Variants in EBF1 observed in about 807,000 individuals in gnomAD.
EBF1 encodes the protein EBF transcription factor 1.
Under a neutral mutation model 68.4 loss-of-function variants are expected in EBF1, and 10 were observed. The ratio of observed to expected loss-of-function variants is 0.15; its 90% CI spans 0.09 to 0.25. The LOEUF (loss-of-function observed/expected upper bound fraction) is 0.25, where lower values mean the gene tolerates loss of function less well. Ranked by LOEUF, EBF1 falls within the 10% of genes least tolerant of loss-of-function variation. EBF1 has a pLI of 1.00. For missense variants in EBF1, 509 were observed against 794.4 expected (o/e 0.64, Z 4.32); for synonymous variants, 298 against 299.8 (o/e 0.99, Z 0.06).
intron 6 of EBF1, among the ~76,000 whole-genome samples, chr5:159,057,327 G>A (rs761734350): frequency 3.9e-5 from 6 of 151,902 alleles, no homozygotes; most frequent in African/African-American, 4.8e-5. Flanking sequence ...GGCTGGTCTC[G>A]AACTCCTAAT....
At chr5:158,783,444 G>A (rs1434450858) in intron 9 of EBF1, among the ~76,000 whole-genome samples, 1 of 152,110 alleles carries the variant, frequency 6.6e-6, no homozygotes, top group Non-Finnish European at 1.5e-5. Context: ...ATGCTTCTCT[G>A]AATTCTCCAA....
intron 6 of EBF1, among the ~76,000 whole-genome samples, chr5:158,926,437 T>A (rs1051659461): frequency 2.6e-5 from 4 of 152,018 alleles, no homozygotes; most frequent in Non-Finnish European, 1.5e-5. Flanking sequence ...GAAATAACTA[T>A]CTTATTGGCC....
At chr5:158,859,005 G>A (rs965874933) in intron 6 of EBF1, among the ~76,000 whole-genome samples, 16 of 152,070 alleles carry the variant, frequency 1.1e-4, no homozygotes, top group African/African-American at 3.9e-4. Flanking sequence ...GACATCCATG[G>A]GTGGTCTAAA....
intron 10 of EBF1, among the ~76,000 whole-genome samples, chr5:158,765,097 C>T (rs917502261): frequency 3.0e-4 from 45 of 152,238 alleles, no homozygotes; most frequent in African/African-American, 7.7e-4. Context: ...CTTTGACCCC[C>T]GATACAGAAC....
intron 8 of EBF1, among the ~76,000 whole-genome samples, chr5:158,804,648 C>G (rs1220574982): frequency 1.3e-5 from 2 of 152,142 alleles, no homozygotes; most frequent in African/African-American, 4.8e-5. Flanking sequence ...TTTAATGACA[C>G]ACAACATAGC....
intron 6 of EBF1, among the ~76,000 whole-genome samples, chr5:159,036,074 G>A (rs1669393384): frequency 6.6e-6 from 1 of 152,172 alleles, no homozygotes; most frequent in Admixed American, 6.5e-5. Flanking sequence ...CATGGGTGCA[G>A]AGTAAGGGAT....
intron 6 of EBF1, among the ~76,000 whole-genome samples, chr5:158,921,098 C>T (rs951865244): frequency 1.3e-5 from 2 of 152,136 alleles, no homozygotes; most frequent in South Asian, 2.1e-4. Context: ...ATGCTGCACA[C>T]GTTTATGCGT....
chr5:158,753,596 C>G (rs904719866), intron 10 of EBF1, among the ~76,000 whole-genome samples: 4 of 152,084 alleles, frequency 2.6e-5, no homozygotes, highest in Admixed American at 2.6e-4. Context: ...ATCAATCAAC[C>G]AGATATTTTT....
At chr5:158,738,405 A>G (rs1765643999) in intron 10 of EBF1, among the ~76,000 whole-genome samples, 1 of 152,238 alleles carries the variant, frequency 6.6e-6, no homozygotes, top group Non-Finnish European at 1.5e-5. Flanking sequence ...ACATTTTGAC[A>G]GGTTACTTTC....
At chr5:158,716,254 ACT>A (rs1760664148) in intron 11 of EBF1, among the ~76,000 whole-genome samples, 1 of 151,948 alleles carries the variant, frequency 6.6e-6, no homozygotes, top group South Asian at 2.1e-4. Flanking sequence ...GACAAAATCT[ACT>A]TTTTTTTTTC....
At chr5:159,018,679 C>T (rs1239535310) in intron 6 of EBF1, among the ~76,000 whole-genome samples, 3 of 152,158 alleles carry the variant, frequency 2.0e-5, no homozygotes. Flanking sequence ...GAACCAAATG[C>T]TTAATAAATA....
chr5:158,817,005 A>G lies in EBF1; in HGVS notation c.778+6171T>C, dbSNP rs116947702. On this transcript the variant is annotated intron_variant, in intron 8 of 15. Transcript: ENST00000313708. ...TCACCGGATCTGAGGAGCCCATGTA[A>G]TTGAAACTGAGTTCATCAAAGCCCT... is the stretch of plus-strand genomic sequence containing the variant. 2.5e-4 allele frequency among the ~76,000 whole-genome samples: 38 copies of G among 152,226 alleles called. No individual in the cohort carries two copies. The East Asian group carries it at 6.6e-3, about 26-fold the overall frequency.
chr5:158,772,080 G>T (rs767583525), intron 10 of EBF1, among the ~76,000 whole-genome samples: 4 of 152,126 alleles, frequency 2.6e-5, no homozygotes, highest in Non-Finnish European at 4.4e-5. Context: ...CCAAACTCGG[G>T]ACTTGGGCTA....
In EBF1 at chr5:159,067,864, C is replaced by G. The variant is rs537747921; in HGVS notation, c.554+5532G>C. ...TTTTCACTTTTGAAAAAATGCAAAC[C>G]TCTCAAACCAACCAAAAACACAATA... On this transcript the variant is annotated intron_variant, in intron 6 of 15. Transcript: ENST00000313708. Among the ~76,000 whole-genome samples, 6 of 152,206 alleles carry G rather than the reference C, an allele frequency of 3.9e-5. No homozygotes were observed. In the South Asian group the frequency reaches 1.2e-3, roughly 32 times the overall value.
At chr5:158,807,396 T>C (rs1299727123) in intron 8 of EBF1, among the ~76,000 whole-genome samples, 3 of 152,160 alleles carry the variant, frequency 2.0e-5, no homozygotes, top group Non-Finnish European at 4.4e-5. Flanking sequence ...TCCCTACCCG[T>C]TGCCATTTGA....
intron 2 of EBF1, 103 bp from the exon 3 acceptor site, chr5:159,096,509 G>T: frequency 1.4e-5 from 19 of 1,353,376 alleles, no homozygotes; most frequent in Non-Finnish European, 1.9e-5. Flanking sequence ...CGGGACCCCC[G>T]CTGGCGAGCC....
chr5:159,020,091 C>G (rs1372885543), intron 6 of EBF1, among the ~76,000 whole-genome samples: 1 of 151,994 alleles, frequency 6.6e-6, no homozygotes, highest in Admixed American at 6.6e-5. Context: ...TTCAAAGGAC[C>G]CCTGTTGCCT....
At chr5:158,889,805 G>A (rs562682411) in intron 6 of EBF1, among the ~76,000 whole-genome samples, 2 of 152,106 alleles carry the variant, frequency 1.3e-5, no homozygotes, top group Non-Finnish European at 2.9e-5. Flanking sequence ...TATCTATGGG[G>A]TTTCACATCC....
chr5:159,024,998 C>T (rs977843644), intron 6 of EBF1, among the ~76,000 whole-genome samples: 7 of 152,176 alleles, frequency 4.6e-5, no homozygotes, highest in Non-Finnish European at 8.8e-5. Context: ...GCTGTGAAGG[C>T]ATTTCAGCTG....
Sources: gnomAD v4.1 joint callset for allele counts (sites outside exome capture counted in the v4.1 genomes callset) on GRCh38, gnomAD v4.1.1 for gene constraint, MANE v1.5 for transcripts, NCBI Gene and HGNC (gene_info 2026-07-23, HGNC 2026-07-21) for gene names.